The following MUC5AC variants were observed in gnomAD, a reference collection of about 807,000 sequenced individuals.
MUC5AC encodes the protein mucin-5AC.
In MUC5AC, 158 loss-of-function variants were observed where a neutral mutation model predicts 169.7. The ratio of observed to expected loss-of-function variants is 0.93; its 90% CI spans 0.82 to 1.06. MUC5AC has a LOEUF of 1.06. Among genes scored for constraint, MUC5AC ranks in the 50% least tolerant of loss-of-function variants. The pLI is 0.00. For synonymous variants in MUC5AC, 1,975 were observed against 1,237.0 expected (o/e 1.60, Z -12.52); for missense variants, 4,359 against 3,089.9 (o/e 1.41, Z -9.74).
At position 1,159,920 on chromosome 11, in the gene MUC5AC, C is replaced by T. The variant is rs114470095; in HGVS notation, c.74-692C>T. 8.8e-3 allele frequency among the ~76,000 whole-genome samples: 758 copies of T among 85,774 alleles called. 13 individuals carry two copies. The highest frequency in any genetic ancestry group is 0.033 in the African/African-American group (723 of 21,972). The allele number at this position is 85,774 out of a possible 152,430, so 56.3% of individuals were successfully genotyped here. On this transcript the variant is annotated intron_variant, in intron 1 of 48. Coordinates refer to ENST00000621226, the MANE Select transcript of MUC5AC (RefSeq NM_001304359.2). Reference sequence around the variant, plus strand: ...TGGTCCCACCATGCTGGCTCTGCGACGGGCTGTGCGGGGCTGTGTGGGGCT... The same window carrying T: ...TGGTCCCACCATGCTGGCTCTGCGATGGGCTGTGCGGGGCTGTGTGGGGCT...
rs777303806 is a variant in MUC5AC, at chr11:1,164,234, C to T, written c.918C>T (p.Cys306=). The stretch of plus-strand genomic sequence containing the variant: ...GTGAAGACACCGACCTGCTCAGCTG[C>T]GTCTGCCACACCCTTGCCGAGTACT... ...CFCEDTDLLS[C]VCHTLAEYSR... The change falls in exon 8 of 49, where the codon TGC becomes TGT. Residue 306 remains cysteine (C), a synonymous_variant. Coordinates refer to ENST00000621226, the MANE Select transcript of MUC5AC (RefSeq NM_001304359.2). 2.4e-5 allele frequency: 38 copies of T among 1,612,640 alleles called. No homozygotes were observed. In the Admixed American group the frequency reaches 4.8e-4, roughly 21 times the overall value.
Position 1,172,511 on chromosome 11 carries a change from A to T in MUC5AC, c.1953A>T (p.Gly651=). The change falls in exon 16 of 49, where the codon GGA becomes GGT. Residue 651 remains glycine, a synonymous_variant. Transcript: ENST00000621226. ...GGTGCCATGCTGCCGTGAAGCCGGG[A>T]ACCTACTACTCGGTAACATCTGCCG... is the stretch of plus-strand genomic sequence containing the variant. ...FGRCHAAVKP[G]TYYSNCMFDT... 1 of 398,460 alleles carries T rather than the reference A, an allele frequency of 2.5e-6. No homozygotes were observed. Among genetic ancestry groups the T allele is most frequent in the Middle Eastern group, 6.3e-4 (1 of 1,586 alleles). The allele number at this position is 398,460 out of a possible 1,614,324, so 24.7% of individuals were successfully genotyped here. A position where few individuals can be genotyped will look rare whatever the true frequency, so the allele number is the denominator to read the frequency against.
At chr11:1,178,339 G>A (rs1426799609) in intron 24 of MUC5AC, 105 bp from the exon 25 acceptor site, 3 of 356,092 alleles carry the variant, frequency 8.4e-6, no homozygotes, top group African/African-American at 4.2e-5. Context: ...GGAGGCGGCC[G>A]CAGGGCAGGG....
intron 16 of MUC5AC, among the ~76,000 whole-genome samples, chr11:1,173,233 C>T (rs1860591570): frequency 6.6e-6 from 1 of 151,278 alleles, no homozygotes; most frequent in African/African-American, 2.4e-5. Flanking sequence ...AATTTCTTCA[C>T]TCATTTACTC....
chr11:1,200,513 G>A lies in MUC5AC; in HGVS notation c.16776G>A (p.Val5592=), dbSNP rs1412897712. The A allele has an allele frequency of 4.0e-6, 3 of 757,792 alleles. No homozygotes were observed. Among genetic ancestry groups the A allele is most frequent in the Middle Eastern group, 4.5e-4 (2 of 4,418 alleles). The allele number at this position is 757,792 out of a possible 1,614,324, so 46.9% of individuals were successfully genotyped here. The part of the protein sequence containing the change: ...CQELRTSLRN[V]TLHCTDGSSR... ...AGCTGCGGACCTCGCTGAGGAATGT[G>A]ACCCTGCACTGCACCGACGGCTCCA... Residue 5592 remains valine (V), a synonymous_variant, in exon 49 of 49, where the codon GTG becomes GTA. Transcript: ENST00000621226.
rs1198271043 is a variant in MUC5AC at position 1,188,516 on chromosome 11, C to G, written c.10371C>G (p.Ala3457=). 1.4e-6 allele frequency: 1 copy of G among 729,630 alleles called. No individual in the cohort carries two copies. The highest frequency in any genetic ancestry group is 1.9e-5 in the Admixed American group (1 of 53,740). 45.2% of individuals were successfully genotyped at this position (729,630 alleles called of 1,614,324 possible). The stretch of plus-strand genomic sequence containing the variant: ...CTACTACAACCAGCACAACCTCTGC[C>G]CCTACAAGCAGCACAACCTCCACTC... ...TSATTTSTTS[A]PTSSTTSTPQ... is the part of the protein sequence containing the mutation. Residue 3457 remains alanine, a synonymous_variant, in exon 31 of 49, where the codon GCC becomes GCG. Coordinates refer to ENST00000621226, the MANE Select transcript of MUC5AC (RefSeq NM_001304359.2).
chr11:1,159,057 TG>T (rs1860047280), intron 1 of MUC5AC, among the ~76,000 whole-genome samples: 1 of 151,462 alleles, frequency 6.6e-6, no homozygotes, highest in Admixed American at 6.6e-5. Flanking sequence ...GCTTAGAAGG[TG>T]GGGGCAGGCC....
At chr11:1,198,837 C>T (rs1275492556) in intron 43 of MUC5AC, 37 bp from the exon 44 acceptor site, 1 of 703,122 alleles carries the variant, frequency 1.4e-6, no homozygotes, top group South Asian at 1.5e-5. Flanking sequence ...CCCCAGGGCC[C>T]AAGCTCATGA....
rs550077052 is a variant in MUC5AC, at chr11:1,162,982, A to C, written c.616A>C (p.Lys206Gln). The stretch of plus-strand genomic sequence containing the variant: ...GGAGCTGGACACCAAATACGCCAAC[A>C]AGACCTGTGGGCTCTGTGGGGACTT... ...LLELDTKYAN[K>Q]TCGLCGDFNG... Residue 206 changes from lysine (K) to glutamine (Q), a missense_variant, in exon 6 of 49, where the codon AAG becomes CAG. Transcript: ENST00000621226. 2 of 1,612,562 alleles carry C rather than the reference A, an allele frequency of 1.2e-6. No individual in the cohort carries two copies. Among genetic ancestry groups the C allele is most frequent in the Non-Finnish European group, 1.7e-6 (2 of 1,179,864 alleles).
rs957837758 is a variant in MUC5AC, at chr11:1,194,037, G to C, written c.14756-73G>C. On this transcript the variant is annotated intron_variant, in intron 33 of 48. Coordinates refer to ENST00000621226, the MANE Select transcript of MUC5AC (RefSeq NM_001304359.2). The stretch of plus-strand genomic sequence containing the variant: ...GGGGGGTCAGGGACAGATGTGACCT[G>C]TTGGGAGGAAAGCCCCAGGGCCATG... 3 of 594,874 alleles carry C rather than the reference G, an allele frequency of 5.0e-6. No homozygotes were observed. In the African/African-American group the frequency reaches 1.7e-4, roughly 33 times the overall value. The allele number at this position is 594,874 out of a possible 1,614,324, so 36.8% of individuals were successfully genotyped here. A position where few individuals can be genotyped will look rare whatever the true frequency, so the allele number is the denominator to read the frequency against.
At position 1,175,150 on chromosome 11, in the gene MUC5AC, G is replaced by A. The variant is rs1366926976; in HGVS notation, c.2348+13G>A. 2 of 335,714 alleles carry A rather than the reference G, an allele frequency of 6.0e-6. No individual in the cohort carries two copies. The highest frequency in any genetic ancestry group is 3.9e-5 in the East Asian group (1 of 25,812). The allele number at this position is 335,714 out of a possible 1,614,324, so 20.8% of individuals were successfully genotyped here. On this transcript the variant is annotated intron_variant, in intron 18 of 48. Transcript: ENST00000621226. ...GCGGGGCTATCTGGTAAGAGCTCCC[G>A]CTGTGGACTGGGGGGTCCCTCGTGT...
chr11:1,178,102 C>T (rs963155721), intron 24 of MUC5AC, among the ~76,000 whole-genome samples: 29 of 152,368 alleles, frequency 1.9e-4, no homozygotes, highest in Non-Finnish European at 3.2e-4. Context: ...CACTCATTAC[C>T]TCAGTCTGCA....
chr11:1,179,273 A>T, intron 26 of MUC5AC, 25 bp downstream of exon 26: 1 of 516,810 alleles, frequency 1.9e-6, no homozygotes, highest in Non-Finnish European at 3.5e-6. Context: ...GCACCTGGGG[A>T]AGAACAGGAA....
chr11:1,198,286 T>C lies in MUC5AC; in HGVS notation c.16154T>C (p.Ile5385Thr). 1 of 754,910 alleles carries C rather than the reference T, an allele frequency of 1.3e-6. No individual in the cohort carries two copies. Among genetic ancestry groups the C allele is most frequent in the African/African-American group, 1.7e-5 (1 of 58,970 alleles). 46.8% of individuals were successfully genotyped at this position (754,910 alleles called of 1,614,324 possible). ...VQNCSWTVCS[I>T]NGTLYQPGAV... is the part of the protein sequence containing the mutation. The stretch of plus-strand genomic sequence containing the variant: ...TGGGCAGGCTGGACAGTGTGCAGCA[T>C]CAACGGGACCCTGTACCAGGTAAGA... Residue 5385 changes from isoleucine to threonine, a missense_variant, in exon 43 of 49, where the codon ATC becomes ACC. By Grantham distance (89) the Ile-to-Thr change is moderately conservative. Coordinates refer to ENST00000621226, the MANE Select transcript of MUC5AC (RefSeq NM_001304359.2).
rs1366948797 is a variant in MUC5AC at position 1,174,571 on chromosome 11, G to A, written c.2041G>A (p.Ala681Thr). The change falls in exon 17 of 49, where the codon GCC (alanine) becomes ACC (threonine). Residue 681 changes from alanine (A) to threonine (T), a missense_variant. Transcript: ENST00000621226. The part of the protein sequence containing the change: ...LCAALSSYVH[A>T]CAAKGVQLGG... Reference sequence around the variant, plus strand: ...CGCCGCGCTGTCCTCCTACGTGCACGCCTGTGCCGCCAAGGGCGTGCAGCT... The same window carrying A: ...CGCCGCGCTGTCCTCCTACGTGCACACCTGTGCCGCCAAGGGCGTGCAGCT... 37 of 1,528,834 alleles carry A rather than the reference G, an allele frequency of 2.4e-5. No homozygotes were observed. The highest frequency in any genetic ancestry group is 2.8e-5 in the Non-Finnish European group (32 of 1,130,464). The allele number at this position is 1,528,834 out of a possible 1,614,324, so 94.7% of individuals were successfully genotyped here. A position where few individuals can be genotyped will look rare whatever the true frequency, so the allele number is the denominator to read the frequency against.
At chr11:1,193,060 A>G (rs1843553039) in intron 32 of MUC5AC, 78 bp downstream of exon 32, 2 of 614,532 alleles carry the variant, frequency 3.3e-6, no homozygotes, top group East Asian at 2.8e-5. Flanking sequence ...ATTAGTCTTC[A>G]GCTGCAAAGT....
At chr11:1,178,752 GA>G (rs1860744623) in intron 25 of MUC5AC, 69 bp downstream of exon 25, 1 of 851,680 alleles carries the variant, frequency 1.2e-6, no homozygotes, top group Admixed American at 4.2e-5. Flanking sequence ...CCCCAGAAGG[GA>G]GAAGGGAATG....
At chr11:1,178,205 G>A (rs2133746840) in intron 24 of MUC5AC, among the ~76,000 whole-genome samples, 1 of 152,344 alleles carries the variant, frequency 6.6e-6, no homozygotes, top group South Asian at 2.1e-4. Flanking sequence ...TTTTCTCCAG[G>A]AGGGGCTTGC....
In MUC5AC at chr11:1,199,624, T is replaced by C; in HGVS notation, c.16516-71T>C. Reference sequence around the variant, plus strand: ...CTGTCCACTCCTGAGCCTGGCCCCATGTCCCCATCCCTCACTTCTGTGGGG... The same window carrying C: ...CTGTCCACTCCTGAGCCTGGCCCCACGTCCCCATCCCTCACTTCTGTGGGG... On this transcript the variant is annotated intron_variant, in intron 46 of 48. Transcript: ENST00000621226. The C allele has an allele frequency of 4.3e-6, 3 of 698,058 alleles. No individual in the cohort carries two copies. The South Asian group carries it at 4.5e-5, about 10-fold the overall frequency. The allele number at this position is 698,058 out of a possible 1,614,324, so 43.2% of individuals were successfully genotyped here.
Sources: allele counts gnomAD v4.1 joint callset (sites outside exome capture counted in the v4.1 genomes callset), GRCh38; gene constraint gnomAD v4.1.1; transcripts MANE v1.5; gene names NCBI Gene and HGNC (gene_info 2026-07-23, HGNC 2026-07-21).